Variants in TENM2 observed in about 807,000 individuals in gnomAD.
TENM2 encodes the protein teneurin-2.
Under a neutral mutation model 245.2 loss-of-function variants are expected in TENM2, and 52 were observed. The observed-to-expected ratio is 0.21, with a 90% confidence interval of 0.17 to 0.27. TENM2 has a LOEUF of 0.27. Ranked by LOEUF, TENM2 falls within the 10% of genes least tolerant of loss-of-function variation. The pLI, the probability that TENM2 is intolerant of heterozygous loss-of-function variation, is 1.00. For missense variants in TENM2, 3,046 were observed against 3,666.8 expected (o/e 0.83, Z 4.37); for synonymous variants, 1,363 against 1,438.9 (o/e 0.95, Z 1.19).
intron 2 of TENM2, among the ~76,000 whole-genome samples, chr5:167,439,149 A>C (rs1334752053): frequency 6.6e-6 from 1 of 152,154 alleles, no homozygotes; most frequent in Admixed American, 6.5e-5. Flanking sequence ...TTTTCAAAGG[A>C]GGCAGAGGTG....
intron 5 of TENM2, among the ~76,000 whole-genome samples, chr5:167,993,987 C>T (rs1783866689): frequency 6.6e-6 from 1 of 152,260 alleles, no homozygotes. Context: ...GTGCCACGTG[C>T]ATAAGAGCTT....
intron 1 of TENM2, among the ~76,000 whole-genome samples, chr5:167,353,568 CGG>C (rs1171855204): frequency 8.7e-6 from 1 of 114,344 alleles, no homozygotes; most frequent in Non-Finnish European, 1.6e-5. Context: ...AGTGCAGTGG[CGG>C]GATCTCGGCT....
intron 3 of TENM2, among the ~76,000 whole-genome samples, chr5:167,915,014 G>A (rs1050442993): frequency 1.8e-4 from 27 of 152,278 alleles, no homozygotes; most frequent in Non-Finnish European, 3.8e-4. Flanking sequence ...ACATATCTTT[G>A]TGGTGGGGAG....
chr5:168,186,391 A>G (rs1371389835), intron 13 of TENM2: 1 of 152,180 alleles, frequency 6.6e-6, no homozygotes, highest in Non-Finnish European at 1.5e-5. Context: ...TTTCTCTGAA[A>G]TTGTCATTAC....
chr5:168,048,797 C>CT lies in TENM2; in HGVS notation c.1309+1251dup, dbSNP rs1272265827. 2.0e-5 allele frequency among the ~76,000 whole-genome samples: 3 copies of CT among 152,164 alleles called. No homozygotes were observed. The East Asian group carries it at 5.8e-4, about 29-fold the overall frequency. On this transcript the variant is annotated intron_variant, in intron 6 of 28. Coordinates refer to ENST00000518659, the Ensembl canonical transcript of TENM2. ...TGACTTTTTTGTCTTTTTATCCAGT[C>CT]TTTAAGAATCGCTGTACTCATCTGT... is the stretch of plus-strand genomic sequence containing the variant.
rs536523262 is a variant in TENM2 at position 167,353,383 on chromosome 5, C to T, written c.227-21815C>T. 5.3e-4 allele frequency among the ~76,000 whole-genome samples: 80 copies of T among 149,614 alleles called. 2 individuals are homozygous for T. The South Asian group carries it at 0.017, about 31-fold the overall frequency. On this transcript the variant is annotated intron_variant, in intron 1 of 28. Coordinates refer to ENST00000518659, the Ensembl canonical transcript of TENM2. ...GAAATAAAACCTGGTAGAAAGCAGA[C>T]AAGTAAAAATACACAAATTTTTACA...
chr5:167,371,350 T>G (rs1445494315), intron 1 of TENM2, among the ~76,000 whole-genome samples: 1 of 131,974 alleles, frequency 7.6e-6, no homozygotes, highest in Admixed American at 7.7e-5. Context: ...TTTTTTTTTC[T>G]TTCTTTTCTT....
At chr5:168,006,352 G>C (rs748981081) in intron 5 of TENM2, among the ~76,000 whole-genome samples, 1 of 152,194 alleles carries the variant, frequency 6.6e-6, no homozygotes, top group African/African-American at 2.4e-5. Context: ...TCTAGGGCGC[G>C]AGGGTTGTCA....
At chr5:167,929,117 GAAAGAAAGAAAGA>G (rs1778070142) in intron 3 of TENM2, among the ~76,000 whole-genome samples, 2 of 67,208 alleles carry the variant, frequency 3.0e-5, no homozygotes, top group South Asian at 5.7e-4. Context: ...AAGAAAGAAA[GAAAGAAAGAAAGA>G]AAAGAAAGAA....
At chr5:167,995,917 G>T (rs191458138) in intron 5 of TENM2, among the ~76,000 whole-genome samples, 1 of 152,034 alleles carries the variant, frequency 6.6e-6, no homozygotes, top group Non-Finnish European at 1.5e-5. Context: ...GAAAACCGAG[G>T]CCCTCCTGTT....
chr5:167,504,648 G>C (rs912819655), intron 2 of TENM2, among the ~76,000 whole-genome samples: 3 of 152,172 alleles, frequency 2.0e-5, no homozygotes, highest in African/African-American at 7.2e-5. Flanking sequence ...GCTGGGGATA[G>C]TGTATGTGAA....
intron 2 of TENM2, among the ~76,000 whole-genome samples, chr5:167,430,432 C>T (rs1295063240): frequency 6.6e-6 from 1 of 152,152 alleles, no homozygotes; most frequent in Non-Finnish European, 1.5e-5. Context: ...CTGGGCCGTT[C>T]ATTAGTTTAT....
chr5:168,231,459 T>A (rs1000982783), intron 25 of TENM2, among the ~76,000 whole-genome samples: 14 of 152,296 alleles, frequency 9.2e-5, no homozygotes, highest in Middle Eastern at 6.8e-3. Context: ...GTGGATGTGT[T>A]AGAGAGTAGG....
At chr5:168,049,374 G>A (rs948550858) in intron 6 of TENM2, among the ~76,000 whole-genome samples, 3 of 152,168 alleles carry the variant, frequency 2.0e-5, no homozygotes, top group African/African-American at 7.2e-5. Context: ...TAACACACAT[G>A]TGAAATGAAT....
intron 4 of TENM2, among the ~76,000 whole-genome samples, chr5:167,977,467 A>G (rs1366750390): frequency 6.6e-6 from 1 of 152,170 alleles, no homozygotes; most frequent in Non-Finnish European, 1.5e-5. Context: ...AATAGAAAAA[A>G]ATGTCATGGA....
intron 2 of TENM2, among the ~76,000 whole-genome samples, chr5:167,565,864 C>T (rs1470745962): frequency 2.0e-5 from 3 of 152,222 alleles, no homozygotes; most frequent in Non-Finnish European, 4.4e-5. Flanking sequence ...ATTTAACTGG[C>T]GTCTATATTC....
At chr5:168,102,338 G>T (rs1465832217) in intron 9 of TENM2, among the ~76,000 whole-genome samples, 1 of 152,198 alleles carries the variant, frequency 6.6e-6, no homozygotes, top group Non-Finnish European at 1.5e-5. Flanking sequence ...CTCCCAAAGT[G>T]CTGGGATTAC....
At chr5:167,290,089 G>A (rs571191868) in intron 1 of TENM2, among the ~76,000 whole-genome samples, 1 of 152,228 alleles carries the variant, frequency 6.6e-6, no homozygotes, top group Non-Finnish European at 1.5e-5. Flanking sequence ...CTAGTCTTTG[G>A]TTGTATTGTT....
Position 168,162,712 on chromosome 5 carries a change from G to A in TENM2, c.2524G>A (p.Val842Ile), listed in dbSNP as rs577591482. Reference sequence around the variant, plus strand: ...CGGCTGGAGAGGGCCCGGATGCAACGTTGCCATGGAAACTTCCTGTGCTGA... The same window carrying A: ...CGGCTGGAGAGGGCCCGGATGCAACATTGCCATGGAAACTTCCTGTGCTGA... The change falls in exon 13 of 29, where the codon GTT becomes ATT. Residue 842 changes from valine (V) to isoleucine (I), a missense_variant. Coordinates refer to ENST00000518659, the Ensembl canonical transcript of TENM2. 1.7e-5 allele frequency: 27 copies of A among 1,614,022 alleles called. No individual in the cohort carries two copies. The African/African-American group carries it at 2.0e-4, about 12-fold the overall frequency.
Sources: allele counts gnomAD v4.1 joint callset (sites outside exome capture counted in the v4.1 genomes callset), GRCh38; gene constraint gnomAD v4.1.1; transcripts MANE v1.5; gene names NCBI Gene and HGNC (gene_info 2026-07-23, HGNC 2026-07-21).